ZC4H2: variants seen among roughly 807,000 people sequenced by gnomAD.
ZC4H2 encodes zinc finger C4H2 domain-containing protein.
For missense variants in ZC4H2, 137 were observed against 173.9 expected (o/e 0.79, Z 1.19); for synonymous variants, 84 against 66.3 (o/e 1.27, Z -1.30).
intron 1 of ZC4H2, among the ~76,000 whole-genome samples, chrX:64,997,909 C>T (rs188329168): frequency 9.8e-5 from 11 of 112,008 alleles, no homozygotes; most frequent in East Asian, 2.8e-4. Flanking sequence ...TGAGCAACCA[C>T]GCCTCGCCAA....
At chrX:64,960,069 G>T (rs1426730603) in intron 1 of ZC4H2, among the ~76,000 whole-genome samples, 4 of 110,662 alleles carry the variant, frequency 3.6e-5, no homozygotes, top group African/African-American at 6.6e-5. Flanking sequence ...GGCAAGTAAG[G>T]TCAGTGATCT....
rs58094683 is a variant in ZC4H2 at position 64,999,039 on chromosome X, G to GTTTT, written c.-272+35586_-272+35589dup. 3.0e-3 allele frequency among the ~76,000 whole-genome samples: 36 copies of GTTTT among 11,853 alleles called. 3 individuals carry two copies. Among genetic ancestry groups the GTTTT allele is most frequent in the African/African-American group, 7.1e-3 (25 of 3,536 alleles). The allele number at this position is 11,853 out of a possible 115,157, so 10.3% of individuals were successfully genotyped here. A position where few individuals can be genotyped will look rare whatever the true frequency, so the allele number is the denominator to read the frequency against. ...TAGACAGCATACAGTTGGATTATGT[G>GTTTT]TTTTTTTTTTTTTTTTTTTTTTTTT... is the stretch of plus-strand genomic sequence containing the variant. On this transcript the variant is annotated intron_variant, in intron 1 of 4. Coordinates refer to the ZC4H2 transcript ENST00000337990.
chrX:65,008,757 A>C (rs1932710600), intron 1 of ZC4H2, among the ~76,000 whole-genome samples: 1 of 111,843 alleles, frequency 8.9e-6, no homozygotes, highest in Non-Finnish European at 1.9e-5. Context: ...GTGGGAGGTA[A>C]AAGAATTGAA....
intron 1 of ZC4H2, among the ~76,000 whole-genome samples, chrX:65,027,428 T>G (rs1488985979): frequency 9.0e-6 from 1 of 111,300 alleles, no homozygotes; most frequent in Non-Finnish European, 1.9e-5. Context: ...GAAATACTCC[T>G]GAAAAAAATT....
intron 1 of ZC4H2, among the ~76,000 whole-genome samples, chrX:64,945,588 C>T (rs1301776593): frequency 2.7e-5 from 3 of 111,616 alleles, no homozygotes; most frequent in Non-Finnish European, 5.6e-5. Context: ...GCAGTCCATC[C>T]CTTAGCATAG....
intron 1 of ZC4H2, among the ~76,000 whole-genome samples, chrX:65,007,840 C>T (rs1423757952): frequency 4.5e-5 from 5 of 111,695 alleles, no homozygotes; most frequent in Admixed American, 9.5e-5. Context: ...AAATATAAGA[C>T]CTGAAACTAT....
At chrX:65,003,355 C>A (rs1932588329) in intron 1 of ZC4H2, among the ~76,000 whole-genome samples, 1 of 111,364 alleles carries the variant, frequency 9.0e-6, no homozygotes, top group Admixed American at 9.5e-5. Context: ...CAAACACTAA[C>A]AACACAATGA....
rs202145227 is a variant in ZC4H2 at position 64,940,655 on chromosome X, A to G, written c.54-18667T>C. 1.6e-4 allele frequency among the ~76,000 whole-genome samples: 18 copies of G among 111,591 alleles called. No individual in the cohort carries two copies. In the East Asian group the frequency reaches 2.8e-3, roughly 17 times the overall value. ...CCCAACACTACATATTAAATGGGGA[A>G]TCCTTTCCCCATTGCTTGTTTTTGT... On this transcript the variant is annotated intron_variant, in intron 1 of 4. Transcript: ENST00000374839.
chrX:64,930,431 A>T (rs1929688691), intron 1 of ZC4H2, among the ~76,000 whole-genome samples: 1 of 111,849 alleles, frequency 8.9e-6, no homozygotes, highest in African/African-American at 3.2e-5. Flanking sequence ...GACAATAGGC[A>T]TCCTTGTCTT....
rs770112912 is a variant in ZC4H2 at position 64,916,032 on chromosome X, G to A, written c.*1751C>T. The A allele has an allele frequency of 8.9e-6, 1 of 112,117 alleles. No individual in the cohort carries two copies. The highest frequency in any genetic ancestry group is 3.2e-5 in the African/African-American group (1 of 30,923). The allele number at this position is 112,117 out of a possible 1,213,427, so 9.2% of individuals were successfully genotyped here. A position where few individuals can be genotyped will look rare whatever the true frequency, so the allele number is the denominator to read the frequency against. On this transcript the variant is annotated 3_prime_UTR_variant, in exon 5 of 5. Transcript: ENST00000374839. ...AAGGGAGAAAGGTTTTCTTAAAAAT[G>A]ATCATGGAGAAGAAGTAGAAAAAAA...
chrX:65,005,065 C>T (rs1355098524), intron 1 of ZC4H2, among the ~76,000 whole-genome samples: 3 of 111,493 alleles, frequency 2.7e-5, no homozygotes, highest in African/African-American at 9.8e-5. Context: ...CAAACCACTT[C>T]TCAGGGAAAT....
At chrX:65,000,868 T>G (rs1932521918) in intron 1 of ZC4H2, among the ~76,000 whole-genome samples, 1 of 111,212 alleles carries the variant, frequency 9.0e-6, no homozygotes, top group African/African-American at 3.3e-5. Flanking sequence ...AAATAAAGCA[T>G]GAAGACAAGA....
intron 1 of ZC4H2, among the ~76,000 whole-genome samples, chrX:65,000,620 G>A (rs1932517042): frequency 1.8e-5 from 2 of 111,641 alleles, no homozygotes; most frequent in African/African-American, 6.5e-5. Context: ...TCAGAAGGTG[G>A]GTAACAACAA....
intron 1 of ZC4H2, among the ~76,000 whole-genome samples, chrX:65,027,829 TTC>T (rs1932894873): frequency 8.9e-6 from 1 of 111,837 alleles, no homozygotes; most frequent in African/African-American, 3.3e-5. Flanking sequence ...CAGATCAACC[TTC>T]TGTTTGAAGT....
intron 1 of ZC4H2, among the ~76,000 whole-genome samples, chrX:64,950,734 T>C (rs1395354781): frequency 6.3e-5 from 7 of 111,260 alleles, no homozygotes; most frequent in Non-Finnish European, 3.8e-5. Context: ...TTTAAGCCTA[T>C]GTGTGTCTCC....
At chrX:65,012,486 T>C (rs1177161023) in intron 1 of ZC4H2, among the ~76,000 whole-genome samples, 6 of 111,103 alleles carry the variant, frequency 5.4e-5, no homozygotes, top group African/African-American at 2.0e-4. Context: ...CTGGAAAACC[T>C]TTCCCTCTCT....
chrX:64,987,884 C>A (rs185540933), intron 1 of ZC4H2, among the ~76,000 whole-genome samples: 5 of 67,179 alleles, frequency 7.4e-5, no homozygotes, highest in Admixed American at 1.9e-4. Flanking sequence ...TCCCTCCCCC[C>A]TCCCCCCACC....
At chrX:64,994,641 T>C in intron 1 of ZC4H2, among the ~76,000 whole-genome samples, 1 of 111,728 alleles carries the variant, frequency 9.0e-6, no homozygotes. Flanking sequence ...TTATTTGTGA[T>C]GTACTTTTTG....
intron 1 of ZC4H2, among the ~76,000 whole-genome samples, chrX:64,930,518 C>T (rs1279375209): frequency 9.0e-6 from 1 of 111,423 alleles, no homozygotes; most frequent in Non-Finnish European, 1.9e-5. Context: ...TCATAGATGG[C>T]TTTTATTATC....
Sources: gnomAD v4.1 joint callset for allele counts (sites outside exome capture counted in the v4.1 genomes callset) on GRCh38, gnomAD v4.1.1 for gene constraint, MANE v1.5 for transcripts, NCBI Gene and HGNC (gene_info 2026-07-23, HGNC 2026-07-21) for gene names.